Variants in NSD2 observed in about 807,000 individuals in gnomAD.
NSD2 encodes nuclear receptor binding SET domain protein 2, also known as histone-lysine N-methyltransferase NSD2.
NSD2 carries 12 observed loss-of-function variants against 139.0 expected under a neutral mutation model. The ratio of observed to expected loss-of-function variants is 0.09; its 90% CI spans 0.06 to 0.14. The LOEUF is 0.14. NSD2 is among the 10% of genes least tolerant of loss of function. The probability of loss-of-function intolerance (pLI) is 1.00; values close to 1 mark genes in which losing one functional copy is unlikely to be tolerated. For synonymous variants in NSD2, 669 were observed against 648.7 expected, an observed-to-expected ratio of 1.03 and a Z score of -0.48; for missense variants, 1,155 against 1,745.0, an observed-to-expected ratio of 0.66 and a Z score of 6.02.
At chr4:1,899,365 C>G (rs934637712) in intron 1 of NSD2, 1 of 152,254 alleles carries the variant, frequency 6.6e-6, no homozygotes, top group Admixed American at 6.5e-5. Flanking sequence ...GCAGGAGATG[C>G]AGCAGCATCC....
Position 1,955,600 on chromosome 4 carries a change from T to C in NSD2, c.2519-93T>C, listed in dbSNP as rs1329407776. The C allele has an allele frequency of 1.8e-5, 26 of 1,428,420 alleles. No individual in the cohort carries two copies. Among genetic ancestry groups the C allele is most frequent in the Non-Finnish European group, 2.3e-5 (25 of 1,078,498 alleles). The allele number at this position is 1,428,420 out of a possible 1,614,324, so 88.5% of individuals were successfully genotyped here. A position where few individuals can be genotyped will look rare whatever the true frequency, so the allele number is the denominator to read the frequency against. ...TGTTTTAAAACTGATGTTTATAAGT[T>C]AAGGCTGTAATAAGTGTAGACTGTG... On this transcript the variant is annotated intron_variant, in intron 13 of 21. Transcript: ENST00000508803. The surrounding 1 kb of genome is among the most constrained non-coding windows in gnomAD (Gnocchi z 4.7).
rs11729388 is a variant in NSD2 at position 1,916,033 on chromosome 4, G to A, written c.761-838G>A. Among the ~76,000 whole-genome samples, 1,389 of 152,228 alleles carry A rather than the reference G, an allele frequency of 9.1e-3. 13 individuals carry two copies. The highest frequency in any genetic ancestry group is 0.051 in the Middle Eastern group (15 of 294). On this transcript the variant is annotated intron_variant, in intron 3 of 21. Transcript: ENST00000508803. The stretch of plus-strand genomic sequence containing the variant: ...TCCTCATCCCCCTGGCTGCACTGTG[G>A]GACGTGGCTTCTTCCTCTCAGCTAA...
chr4:1,959,376 C>G (rs1725144143), intron 16 of NSD2, 95 bp from the exon 17 acceptor site: 2 of 1,484,646 alleles, frequency 1.3e-6, no homozygotes, highest in Admixed American at 1.8e-5. Flanking sequence ...TAAAAGGCCA[C>G]CTGGAGGCTG....
rs1414726801 is a variant in NSD2 at position 1,972,605 on chromosome 4, C to T, written c.3373-2258C>T. The stretch of plus-strand genomic sequence containing the variant: ...CCAGGGCCGGGCAGCCCACGTACCA[C>T]GCACTGATGCCTCCCCTCACACCAC... On this transcript the variant is annotated intron_variant, in intron 18 of 21. Coordinates refer to ENST00000508803, the MANE Select transcript of NSD2 (RefSeq NM_001042424.3). The surrounding 1 kb of genome is among the most constrained non-coding windows in gnomAD (Gnocchi z 4.0). Among the ~76,000 whole-genome samples, 2 of 152,168 alleles carry T rather than the reference C, an allele frequency of 1.3e-5. No homozygotes were observed. The highest frequency in any genetic ancestry group is 2.9e-5 in the Non-Finnish European group (2 of 68,028).
intron 9 of NSD2, chr4:1,944,282 A>G: frequency 9.4e-7 from 1 of 1,066,212 alleles, no homozygotes; most frequent in African/African-American, 1.6e-5. Flanking sequence ...GTGGGTGGAA[A>G]CGGCTCTTGT....
intron 2 of NSD2, among the ~76,000 whole-genome samples, chr4:1,901,966 A>T (rs1577393608): frequency 6.6e-6 from 1 of 152,126 alleles, no homozygotes; most frequent in Admixed American, 6.6e-5. Context: ...TTCACGTGGC[A>T]CTCGGGATGG....
chr4:1,944,752 C>G (rs1285972745), intron 9 of NSD2: 1 of 1,064,462 alleles, frequency 9.4e-7, no homozygotes, highest in Non-Finnish European at 1.1e-6. Context: ...TATATATCTG[C>G]TTCTAAAATT....
Position 1,958,760 on chromosome 4 carries a change from A to G in NSD2, c.2986-711A>G, listed in dbSNP as rs1391102272. ...TTCTTTGGGATGGATTCCCAGAAAC[A>G]GAATCACAGGGTCAGAGAGTATGAA... On this transcript the variant is annotated intron_variant, in intron 16 of 21. Transcript: ENST00000508803. The surrounding 1 kb of genome is among the most constrained non-coding windows in gnomAD (Gnocchi z 4.6). Among the ~76,000 whole-genome samples the G allele has an allele frequency of 1.3e-5, 2 of 152,266 alleles. No individual in the cohort carries two copies. The highest frequency in any genetic ancestry group is 3.8e-4 in the East Asian group (2 of 5,200).
In NSD2 at chr4:1,972,208, G is replaced by A. The variant is rs1047585474; in HGVS notation, c.3373-2655G>A. The stretch of plus-strand genomic sequence containing the variant: ...GCAGAGCCACAAAGAGCATTGATGC[G>A]TGTATTGAATGGAGCAGGCTTCTGT... On this transcript the variant is annotated intron_variant, in intron 18 of 21. Coordinates refer to ENST00000508803, the MANE Select transcript of NSD2 (RefSeq NM_001042424.3). This position sits in a 1 kb window ranked among gnomAD's most constrained non-coding sequence, Gnocchi z 4.0. Among the ~76,000 whole-genome samples, 17 of 152,166 alleles carry A rather than the reference G, an allele frequency of 1.1e-4. No homozygotes were observed. Among genetic ancestry groups the A allele is most frequent in the African/African-American group, 4.1e-4 (17 of 41,440 alleles).
intron 9 of NSD2, chr4:1,944,434 G>A (rs1723412150): frequency 7.5e-6 from 8 of 1,064,994 alleles, no homozygotes; most frequent in Non-Finnish European, 9.1e-6. Flanking sequence ...TTGAATTGCC[G>A]GTTGTTGAGG....
intron 1 of NSD2, among the ~76,000 whole-genome samples, chr4:1,885,359 A>G (rs1715008801): frequency 6.6e-6 from 1 of 152,166 alleles, no homozygotes; most frequent in African/African-American, 2.4e-5. Context: ...GTGGAGCATT[A>G]TTGAGGGCTC....
chr4:1,914,027 A>C (rs1719032615), intron 3 of NSD2, among the ~76,000 whole-genome samples: 1 of 151,914 alleles, frequency 6.6e-6, no homozygotes, highest in South Asian at 2.1e-4. Context: ...AGAGTATGCT[A>C]CTTTTGTTTT....
At chr4:1,926,231 T>G (rs766891258) in intron 5 of NSD2, among the ~76,000 whole-genome samples, 3 of 150,296 alleles carry the variant, frequency 2.0e-5, no homozygotes, top group Non-Finnish European at 4.4e-5. Context: ...CTCGGCTCAC[T>G]GCAACCTCCG....
rs1210828919 is a variant in NSD2, at chr4:1,980,902, C to G, written c.*1993C>G. ...ATTTATGCTCCTTATGATGCCCTAA[C>G]TTGGAAGGTTGTTCTAGGGACAGGC... is the stretch of plus-strand genomic sequence containing the variant. On this transcript the variant is annotated 3_prime_UTR_variant, in exon 22 of 22. Transcript: ENST00000508803. The G allele has an allele frequency of 8.6e-6, 2 of 233,186 alleles. No individual in the cohort carries two copies. The highest frequency in any genetic ancestry group is 1.7e-5 in the Non-Finnish European group (2 of 118,062). The allele number at this position is 233,186 out of a possible 1,614,324, so 14.4% of individuals were successfully genotyped here.
chr4:1,880,555 T>TG (rs2108676147), intron 1 of NSD2, among the ~76,000 whole-genome samples: 1 of 147,608 alleles, frequency 6.8e-6, no homozygotes, highest in East Asian at 2.0e-4. Context: ...TGGGATGAAA[T>TG]GGGGAGGGAC....
chr4:1,951,445 CACACACACACACACACACACACACACA>C (rs1560745595), intron 10 of NSD2, among the ~76,000 whole-genome samples: 4,747 of 99,572 alleles, frequency 0.048, 418 homozygotes, highest in Middle Eastern at 0.099. Context: ...TCATGTAATA[CACACACACACACACACACACACACACA>C]CACACACACA....
At chr4:1,943,739 C>T in intron 9 of NSD2, 1 of 1,057,482 alleles carries the variant, frequency 9.5e-7, no homozygotes. Flanking sequence ...AAAAAAACCC[C>T]ACGAAATTTA....
At chr4:1,903,769 C>T (rs1272576516) in intron 2 of NSD2, among the ~76,000 whole-genome samples, 2 of 150,214 alleles carry the variant, frequency 1.3e-5, no homozygotes, top group African/African-American at 4.9e-5. Context: ...GAGTCTCGCC[C>T]TGTCGCCCAG....
chr4:1,890,337 C>T (rs1392168684), intron 1 of NSD2, among the ~76,000 whole-genome samples: 3 of 151,254 alleles, frequency 2.0e-5, no homozygotes, highest in South Asian at 2.1e-4. Context: ...CTCGCTCTGT[C>T]GCCTAGGCTG....
Sources: allele counts gnomAD v4.1 joint callset (sites outside exome capture counted in the v4.1 genomes callset), GRCh38; gene constraint gnomAD v4.1.1; non-coding constraint Gnocchi (gnomAD v3.1); transcripts MANE v1.5; gene names NCBI Gene and HGNC (gene_info 2026-07-23, HGNC 2026-07-21).